The following AGBL1 variants were observed in gnomAD, a reference collection of about 807,000 sequenced individuals.
The protein encoded by AGBL1 is cytosolic carboxypeptidase 4.
In AGBL1, 130 loss-of-function variants were observed where a neutral mutation model predicts 118.9. The observed-to-expected ratio is 1.09, with a 90% CI of 0.95 to 1.26. The LOEUF is 1.26. Ranked by LOEUF, AGBL1 falls within the 50% of genes most tolerant of loss-of-function variation. The pLI is 0.00. For synonymous variants in AGBL1, 555 were observed against 478.9 expected (o/e 1.16, Z -2.08); for missense variants, 1,584 against 1,298.1 (o/e 1.22, Z -3.38).
chr15:86,989,859 G>T (rs2081321437), intron 24 of AGBL1, among the ~76,000 whole-genome samples: 1 of 152,168 alleles, frequency 6.6e-6, no homozygotes, highest in Non-Finnish European at 1.5e-5. Flanking sequence ...CACTTTCCAG[G>T]CAATGGAATT....
chr15:86,743,245 C>T (rs949715343), intron 22 of AGBL1, among the ~76,000 whole-genome samples: 3 of 151,982 alleles, frequency 2.0e-5, no homozygotes, highest in South Asian at 4.2e-4. Context: ...GGGCTATTGA[C>T]TTTGCGATTA....
intron 21 of AGBL1, among the ~76,000 whole-genome samples, chr15:86,601,134 A>G (rs2084486532): frequency 6.6e-6 from 1 of 152,104 alleles, no homozygotes; most frequent in South Asian, 2.1e-4. Flanking sequence ...CAGTTGACAG[A>G]GTTGTTTGTT....
chr15:86,692,808 C>A (rs1054599865), intron 22 of AGBL1, among the ~76,000 whole-genome samples: 1 of 152,092 alleles, frequency 6.6e-6, no homozygotes, highest in African/African-American at 2.4e-5. Context: ...CATTCTTATG[C>A]CTTTGCATCT....
At chr15:86,924,054 CA>C (rs563565921) in intron 23 of AGBL1, among the ~76,000 whole-genome samples, 6 of 152,238 alleles carry the variant, frequency 3.9e-5, no homozygotes, top group African/African-American at 1.2e-4. Context: ...TTCATTTGCC[CA>C]CAAGTTTTAA....
In AGBL1 at chr15:86,899,691, T is replaced by G. The variant is rs552706498; in HGVS notation, c.3159-7396T>G. ...GAAGACAATTCATCTGAATTAGTTG[T>G]GCATATCATGGAAAAATGATCCTGG... On this transcript the variant is annotated intron_variant, in intron 22 of 22. Transcript: ENST00000614907. 5.1e-4 allele frequency among the ~76,000 whole-genome samples: 78 copies of G among 152,330 alleles called. 1 individual carries two copies. In the South Asian group the frequency reaches 0.015, roughly 30 times the overall value.
intron 18 of AGBL1, among the ~76,000 whole-genome samples, chr15:86,518,350 T>C (rs895390454): frequency 2.0e-4 from 30 of 152,134 alleles, no homozygotes; most frequent in African/African-American, 7.0e-4. Flanking sequence ...GTTAAAAGAA[T>C]TATTTTTCGT....
chr15:86,631,781 C>T (rs2084971882), intron 21 of AGBL1, among the ~76,000 whole-genome samples: 1 of 152,160 alleles, frequency 6.6e-6, no homozygotes, highest in Admixed American at 6.5e-5. Flanking sequence ...TGAATCTGTT[C>T]CTATCTGAAT....
intron 3 of AGBL1, among the ~76,000 whole-genome samples, chr15:86,145,226 G>T (rs2077017064): frequency 6.6e-6 from 1 of 152,126 alleles, no homozygotes; most frequent in Non-Finnish European, 1.5e-5. Context: ...ATGAATTTTT[G>T]GGGGCCACTA....
chr15:86,616,345 A>AT (rs1322700222), intron 21 of AGBL1, among the ~76,000 whole-genome samples: 6 of 41,330 alleles, frequency 1.5e-4, no homozygotes, highest in South Asian at 1.7e-3. Context: ...ACTTCAAAAA[A>AT]AAAAAAAAAA....
intron 24 of AGBL1, among the ~76,000 whole-genome samples, chr15:87,019,584 G>C (rs1414815205): frequency 6.6e-6 from 1 of 151,970 alleles, no homozygotes; most frequent in Admixed American, 6.6e-5. Flanking sequence ...TAAAAACAAA[G>C]AGCCAATGTA....
chr15:86,240,760 C>T (rs1367133140), intron 6 of AGBL1, among the ~76,000 whole-genome samples: 4 of 152,144 alleles, frequency 2.6e-5, no homozygotes, highest in African/African-American at 9.7e-5. Flanking sequence ...GCTATTTAAT[C>T]TTTCTGGGCA....
intron 1 of AGBL1, among the ~76,000 whole-genome samples, chr15:86,139,671 C>T (rs1362491459): frequency 6.6e-6 from 1 of 152,088 alleles, no homozygotes; most frequent in Non-Finnish European, 1.5e-5. Flanking sequence ...AGGTCTCATC[C>T]TTCTCAGAAT....
intron 18 of AGBL1, among the ~76,000 whole-genome samples, chr15:86,456,968 G>A (rs908624749): frequency 1.3e-5 from 2 of 152,038 alleles, no homozygotes; most frequent in African/African-American, 4.8e-5. Context: ...ATTCCTTATG[G>A]ATTCATTTCA....
At chr15:86,165,904 T>G (rs2077334949) in intron 5 of AGBL1, among the ~76,000 whole-genome samples, 1 of 152,158 alleles carries the variant, frequency 6.6e-6, no homozygotes, top group Non-Finnish European at 1.5e-5. Flanking sequence ...AGCCTGTAGC[T>G]GATGGGGAAT....
chr15:86,806,023 A>G (rs2078709424), intron 22 of AGBL1, among the ~76,000 whole-genome samples: 1 of 152,138 alleles, frequency 6.6e-6, no homozygotes, highest in Non-Finnish European at 1.5e-5. Context: ...AGAATTGATC[A>G]GTGCTCAAGG....
intron 24 of AGBL1, among the ~76,000 whole-genome samples, chr15:87,006,480 A>AC (rs2141771786): frequency 6.6e-6 from 1 of 152,214 alleles, no homozygotes; most frequent in East Asian, 1.9e-4. Flanking sequence ...TGGGCATGGT[A>AC]CCCTCCGAGC....
chr15:86,213,584 C>G (rs149519052), intron 5 of AGBL1, among the ~76,000 whole-genome samples: 1 of 152,072 alleles, frequency 6.6e-6, no homozygotes, highest in African/African-American at 2.4e-5. Context: ...TCTCAGTGAT[C>G]GCTGGTGAAC....
intron 21 of AGBL1, among the ~76,000 whole-genome samples, chr15:86,572,911 T>C (rs1158654844): frequency 6.6e-6 from 1 of 152,234 alleles, no homozygotes; most frequent in Non-Finnish European, 1.5e-5. Flanking sequence ...TCTTCAACAT[T>C]CTTCACCATT....
In AGBL1 at chr15:86,224,749, C is replaced by T. The variant is rs1489228461; in HGVS notation, c.489-165C>T. On this transcript the variant is annotated intron_variant, in intron 5 of 22. Transcript: ENST00000614907. ...GACACTTCGCTCAGCGTTATTTCTG[C>T]ATTTATGCCTCTTTAATGGTCAGCG... Among the ~76,000 whole-genome samples, 2 of 152,140 alleles carry T rather than the reference C, an allele frequency of 1.3e-5. 1 individual carries two copies. Among genetic ancestry groups the T allele is most frequent in the Non-Finnish European group, 2.9e-5 (2 of 68,024 alleles).
Sources: gnomAD v4.1 joint callset for allele counts (sites outside exome capture counted in the v4.1 genomes callset) on GRCh38, gnomAD v4.1.1 for gene constraint, MANE v1.5 for transcripts, NCBI Gene and HGNC (gene_info 2026-07-23, HGNC 2026-07-21) for gene names.